Variants in DZANK1 observed in about 807,000 individuals in gnomAD.
The protein encoded by DZANK1 is double zinc ribbon and ankyrin repeat domains 1, also known as double zinc ribbon and ankyrin repeat-containing protein 1.
Under a neutral mutation model 94.5 loss-of-function variants are expected in DZANK1, and 91 were observed. That is an observed-to-expected ratio of 0.96 (90% CI 0.81 to 1.15). The LOEUF is 1.15. Among genes scored for constraint, DZANK1 ranks in the 50% most tolerant of loss-of-function variants. The probability of loss-of-function intolerance (pLI) is 0.00; values close to 1 mark genes in which losing one functional copy is unlikely to be tolerated. For synonymous variants in DZANK1, 312 were observed against 325.3 expected (o/e 0.96, Z 0.44); for missense variants, 903 against 916.4 (o/e 0.99, Z 0.19).
exon 21 of DZANK1, chr20:18,384,433 G>A: frequency 6.2e-7 from 1 of 1,611,814 alleles, no homozygotes; most frequent in Non-Finnish European, 8.5e-7. Context: ...CCTAGTTTGA[G>A]CGAGTTGGTC....
intron 13 of DZANK1, among the ~76,000 whole-genome samples, chr20:18,401,264 C>G (rs987282907): frequency 3.3e-5 from 5 of 152,032 alleles, no homozygotes; most frequent in African/African-American, 1.2e-4. Flanking sequence ...AATGAAATCT[C>G]AACTCTCAAA....
chr20:18,410,958 A>T (rs551546038), intron 13 of DZANK1, among the ~76,000 whole-genome samples: 1 of 152,322 alleles, frequency 6.6e-6, no homozygotes, highest in East Asian at 1.9e-4. Context: ...CTCAAAAGAA[A>T]GAAAGAAAGA....
intron 6 of DZANK1, 134 bp from the exon 7 acceptor site, chr20:18,449,203 C>A: frequency 2.8e-6 from 2 of 706,612 alleles, no homozygotes; most frequent in South Asian, 1.9e-5. Context: ...GAATAATAGA[C>A]ACTATAGACT....
intron 8 of DZANK1, 101 bp from the exon 9 acceptor site, chr20:18,433,866 A>T (rs1189351965): frequency 3.1e-6 from 3 of 981,842 alleles, no homozygotes; most frequent in Non-Finnish European, 3.1e-6. Flanking sequence ...CACCCTGAAC[A>T]TTCCCGATCT....
intron 13 of DZANK1, among the ~76,000 whole-genome samples, chr20:18,403,419 T>C (rs1355658305): frequency 6.6e-6 from 1 of 152,148 alleles, no homozygotes; most frequent in East Asian, 1.9e-4. Flanking sequence ...CTCAGAGATT[T>C]TGCCCAGGGG....
chr20:18,435,426 C>T (rs1163430376), intron 8 of DZANK1, among the ~76,000 whole-genome samples: 4 of 152,096 alleles, frequency 2.6e-5, no homozygotes, highest in Non-Finnish European at 4.4e-5. Flanking sequence ...CAAAAAAGAA[C>T]GAGTTCATGT....
intron 6 of DZANK1, among the ~76,000 whole-genome samples, chr20:18,450,003 G>A (rs955165034): frequency 6.0e-5 from 9 of 148,890 alleles, no homozygotes; most frequent in South Asian, 2.1e-4. Context: ...GCTTGAACCC[G>A]GGAAGCAGAG....
intron 15 of DZANK1, 180 bp from the exon 16 acceptor site, chr20:18,394,530 C>T (rs945859279): frequency 3.7e-5 from 26 of 707,562 alleles, no homozygotes; most frequent in African/African-American, 3.0e-4. Flanking sequence ...ATGCTTTGTC[C>T]GTTCTGCCCC....
At chr20:18,436,310 G>A (rs1731698573) in intron 8 of DZANK1, among the ~76,000 whole-genome samples, 2 of 152,004 alleles carry the variant, frequency 1.3e-5, no homozygotes, top group Admixed American at 1.3e-4. Context: ...AATCGCCAGA[G>A]GCGGGCGCCT....
chr20:18,417,773 C>CA (rs1463442904), intron 10 of DZANK1, among the ~76,000 whole-genome samples: 2 of 152,052 alleles, frequency 1.3e-5, no homozygotes, highest in Admixed American at 1.3e-4. Flanking sequence ...GACTCCCACA[C>CA]AAAAAACAAC....
chr20:18,434,492 C>A (rs934618355), intron 8 of DZANK1, among the ~76,000 whole-genome samples: 9 of 149,320 alleles, frequency 6.0e-5, no homozygotes, highest in Non-Finnish European at 1.3e-4. Flanking sequence ...TTGTAGTGAG[C>A]CGAGATCGCC....
At chr20:18,401,137 A>G (rs1024944759) in intron 13 of DZANK1, among the ~76,000 whole-genome samples, 7 of 152,058 alleles carry the variant, frequency 4.6e-5, no homozygotes, top group Admixed American at 3.9e-4. Flanking sequence ...GGGTTTTGCT[A>G]TGTTGGCCAG....
At chr20:18,458,467 T>C (rs2148799488) in intron 3 of DZANK1, among the ~76,000 whole-genome samples, 1 of 152,366 alleles carries the variant, frequency 6.6e-6, no homozygotes, top group East Asian at 1.9e-4. Flanking sequence ...TGTGTATTTC[T>C]TAGAATTTTT....
chr20:18,427,292 G>T, intron 9 of DZANK1, 133 bp from the exon 10 acceptor site: 1 of 540,240 alleles, frequency 1.9e-6, no homozygotes. Context: ...ATACTGGATT[G>T]GTTTAGGAGT....
rs117224076 is a variant in DZANK1 at position 18,436,706 on chromosome 20, C to T, written c.748-2941G>A. 2.4e-3 allele frequency among the ~76,000 whole-genome samples: 360 copies of T among 152,210 alleles called. 5 individuals carry two copies. Among genetic ancestry groups the T allele is most frequent in the Admixed American group, 0.02 (302 of 15,280 alleles). On this transcript the variant is annotated intron_variant, in intron 8 of 20. Transcript: ENST00000262547. ...TTCCCACACTGGAGGAAAACCAATA[C>T]TCAGCACATCCAATAAGCTCAGTCA...
chr20:18,454,234 T>C (rs1286295082), intron 4 of DZANK1: 5 of 353,730 alleles, frequency 1.4e-5, no homozygotes, highest in Non-Finnish European at 2.2e-5. Context: ...TCTCTGGACT[T>C]TCTCCATGGA....
chr20:18,453,970 T>C (rs1282315074), intron 4 of DZANK1, 143 bp from the exon 5 acceptor site: 1 of 760,502 alleles, frequency 1.3e-6, no homozygotes, highest in African/African-American at 1.7e-5. Context: ...CTGTTTCACT[T>C]TATTCTGGAA....
chr20:18,445,548 A>G (rs967645084), intron 7 of DZANK1, among the ~76,000 whole-genome samples: 1 of 152,248 alleles, frequency 6.6e-6, no homozygotes, highest in Non-Finnish European at 1.5e-5. Flanking sequence ...TTTAAAGTGT[A>G]CATAGAACAT....
chr20:18,452,821 C>G, intron 5 of DZANK1, 82 bp from the exon 6 acceptor site: 2 of 1,383,180 alleles, frequency 1.4e-6, no homozygotes, highest in Non-Finnish European at 1.9e-6. Context: ...AGCGGGAGAC[C>G]TTTTAATAAA....
Sources: gnomAD v4.1 joint callset for allele counts (sites outside exome capture counted in the v4.1 genomes callset) on GRCh38, gnomAD v4.1.1 for gene constraint, MANE v1.5 for transcripts, NCBI Gene and HGNC (gene_info 2026-07-23, HGNC 2026-07-21) for gene names.